C1orf87: variants seen among roughly 807,000 people sequenced by gnomAD.
C1orf87 encodes chromosome 1 open reading frame 87.
In C1orf87, 58 loss-of-function variants were observed where a neutral mutation model predicts 60.5. The observed-to-expected ratio is 0.96, with a 90% CI of 0.78 to 1.19. C1orf87 has a LOEUF of 1.19. Among genes scored for constraint, C1orf87 ranks in the 50% most tolerant of loss-of-function variants. C1orf87 has a pLI of 0.00. For synonymous variants in C1orf87, 236 were observed against 227.4 expected, an observed-to-expected ratio of 1.04 and a Z score of -0.34; for missense variants, 673 against 638.6, an observed-to-expected ratio of 1.05 and a Z score of -0.58.
At chr1:60,069,719 A>G (rs1034738620) in intron 2 of C1orf87, among the ~76,000 whole-genome samples, 2 of 152,182 alleles carry the variant, frequency 1.3e-5, no homozygotes, top group Non-Finnish European at 2.9e-5. Context: ...GGCCTTAGTT[A>G]TCTCACCTCA....
chr1:60,048,430 C>T (rs1645389022), intron 3 of C1orf87, among the ~76,000 whole-genome samples: 1 of 152,128 alleles, frequency 6.6e-6, no homozygotes, highest in Non-Finnish European at 1.5e-5. Context: ...CTCCTAGATT[C>T]CTTTCCCTGA....
At chr1:60,012,001 A>G (rs1036712208) in intron 8 of C1orf87, among the ~76,000 whole-genome samples, 10 of 152,200 alleles carry the variant, frequency 6.6e-5, no homozygotes, top group African/African-American at 2.2e-4. Context: ...AAGTTGAACA[A>G]GAAGTAGCAA....
In C1orf87 at chr1:60,027,252, ATC is replaced by A. The variant is rs527384139; in HGVS notation, c.1030-1756_1030-1755del. On this transcript the variant is annotated intron_variant, in intron 7 of 11. Transcript: ENST00000371201. ...CTTATCCAAAGCCCATACTCCAACC[ATC>A]TCTTTTATTGATGCACTCACAGAGC... is the stretch of plus-strand genomic sequence containing the variant. 1.4e-3 allele frequency among the ~76,000 whole-genome samples: 211 copies of A among 152,120 alleles called. 1 individual carries two copies. The highest frequency in any genetic ancestry group is 3.3e-3 in the Admixed American group (51 of 15,262).
Position 60,021,859 on chromosome 1 carries a change from G to A in C1orf87, c.1127+3542C>T, listed in dbSNP as rs977382784. 2.6e-5 allele frequency among the ~76,000 whole-genome samples: 4 copies of A among 152,172 alleles called. No homozygotes were observed. The East Asian group carries it at 5.8e-4, about 22-fold the overall frequency. On this transcript the variant is annotated intron_variant, in intron 8 of 11. Transcript: ENST00000371201. ...TGGGGACCACAGCTTTAAATAGGGT[G>A]GTTAGTGTAGTTCTCATTGACAAGG...
At chr1:60,055,865 C>T (rs1314407123) in intron 2 of C1orf87, among the ~76,000 whole-genome samples, 1 of 151,596 alleles carries the variant, frequency 6.6e-6, no homozygotes, top group African/African-American at 2.4e-5. Context: ...CTCCTGGGAG[C>T]CTTTCATTTA....
At chr1:60,024,919 A>G (rs983859391) in intron 8 of C1orf87, among the ~76,000 whole-genome samples, 2 of 152,322 alleles carry the variant, frequency 1.3e-5, no homozygotes. Context: ...TATGGCCAAG[A>G]AGACCCTTTG....
In C1orf87 at chr1:60,013,119, T is replaced by G. The variant is rs1392175817; in HGVS notation, c.1128-2663A>C. On this transcript the variant is annotated intron_variant, in intron 8 of 11. Transcript: ENST00000371201. ...TTTGTTGGAATGATGTGAATACATTTTTTCTTAATTTAGCTTACATCACAC... is the reference window on the plus strand; with the variant it reads ...TTTGTTGGAATGATGTGAATACATTGTTTCTTAATTTAGCTTACATCACAC... 2.0e-5 allele frequency among the ~76,000 whole-genome samples: 3 copies of G among 152,154 alleles called. No individual in the cohort carries two copies. In the South Asian group the frequency reaches 6.2e-4, roughly 31 times the overall value.
At chr1:60,005,474 GA>G (rs1645037185) in intron 9 of C1orf87, among the ~76,000 whole-genome samples, 1 of 152,080 alleles carries the variant, frequency 6.6e-6, no homozygotes, top group African/African-American at 2.4e-5. Context: ...GGAAAGTAAT[GA>G]TAGCTGCCAT....
intron 6 of C1orf87, among the ~76,000 whole-genome samples, chr1:60,036,591 C>T (rs1011135311): frequency 2.6e-5 from 4 of 152,190 alleles, no homozygotes; most frequent in Admixed American, 6.5e-5. Context: ...GTGTATCATG[C>T]CCATTTTACA....
chr1:60,062,384 T>A (rs1434225239), intron 2 of C1orf87, among the ~76,000 whole-genome samples: 1 of 152,198 alleles, frequency 6.6e-6, no homozygotes, highest in Non-Finnish European at 1.5e-5. Flanking sequence ...TCCACAGAAC[T>A]GATTCATAGA....
Position 60,072,649 on chromosome 1 carries a change from C to T in C1orf87, c.-6G>A. On this transcript the variant is annotated 5_prime_UTR_variant, in exon 2 of 12. Coordinates refer to ENST00000371201, the MANE Select transcript of C1orf87 (RefSeq NM_152377.3). ...GTCTTCCAGGCTGAAGACATGATTC[C>T]TTTCAAAATCCCTTCAGATCCCTAG... The T allele has an allele frequency of 6.3e-7, 1 of 1,593,632 alleles. No individual in the cohort carries two copies. The highest frequency in any genetic ancestry group is 1.1e-5 in the South Asian group (1 of 88,578).
intron 8 of C1orf87, among the ~76,000 whole-genome samples, chr1:60,013,839 C>T (rs1645106429): frequency 6.6e-6 from 1 of 152,056 alleles, no homozygotes; most frequent in Non-Finnish European, 1.5e-5. Flanking sequence ...TTCCTGGTGC[C>T]TCTCAGGCAT....
intron 6 of C1orf87, 130 bp from the exon 7 acceptor site, chr1:60,033,771 C>G: frequency 1.0e-6 from 1 of 982,286 alleles, no homozygotes; most frequent in Non-Finnish European, 1.5e-6. Context: ...TAGGCCCTCT[C>G]AGTCTTGGGA....
chr1:60,030,870 G>A (rs1245118279), intron 7 of C1orf87, among the ~76,000 whole-genome samples: 1 of 152,190 alleles, frequency 6.6e-6, no homozygotes, highest in African/African-American at 2.4e-5. Context: ...TACTTTATAT[G>A]CTTCTATACT....
chr1:60,026,937 T>C (rs1645202096), intron 7 of C1orf87, among the ~76,000 whole-genome samples: 1 of 152,176 alleles, frequency 6.6e-6, no homozygotes, highest in Non-Finnish European at 1.5e-5. Context: ...AAAACATAAA[T>C]GAATTTCATG....
chr1:60,006,942 C>T (rs1043032838), intron 9 of C1orf87, among the ~76,000 whole-genome samples: 2 of 151,644 alleles, frequency 1.3e-5, no homozygotes, highest in African/African-American at 4.8e-5. Flanking sequence ...GACAGGGTCT[C>T]ACTCTTTTGC....
At chr1:60,000,562 TCTC>T (rs767961963) in intron 10 of C1orf87, among the ~76,000 whole-genome samples, 4 of 152,064 alleles carry the variant, frequency 2.6e-5, no homozygotes, top group Non-Finnish European at 5.9e-5. Flanking sequence ...GTCTACAACT[TCTC>T]CTGGCTAAAT....
At chr1:60,070,644 C>A (rs577766525) in intron 2 of C1orf87, among the ~76,000 whole-genome samples, 24 of 152,238 alleles carry the variant, frequency 1.6e-4, no homozygotes, top group Middle Eastern at 6.8e-3. Flanking sequence ...ATAGGAAACA[C>A]AACAAACAAG....
At chr1:60,039,119 A>G (rs1458575579) in intron 5 of C1orf87, among the ~76,000 whole-genome samples, 1 of 152,164 alleles carries the variant, frequency 6.6e-6, no homozygotes, top group South Asian at 2.1e-4. Context: ...TCTGGATGAG[A>G]TCATTGAGGC....
Sources: gnomAD v4.1 joint callset for allele counts (sites outside exome capture counted in the v4.1 genomes callset) on GRCh38, gnomAD v4.1.1 for gene constraint, MANE v1.5 for transcripts, NCBI Gene and HGNC (gene_info 2026-07-23, HGNC 2026-07-21) for gene names.